Variants in TUSC3 observed in about 807,000 individuals in gnomAD.
TUSC3 encodes tumor suppressor candidate 3.
A neutral mutation model predicts 44.8 loss-of-function variants in TUSC3; 45 were observed. The observed-to-expected ratio is 1.00, with a 90% CI of 0.79 to 1.29. TUSC3 has a LOEUF of 1.29. TUSC3 is among the 50% of genes most tolerant of loss of function. The probability of loss-of-function intolerance (pLI) is 0.00; values close to 1 mark genes in which losing one functional copy is unlikely to be tolerated. For missense variants in TUSC3, 519 were observed against 437.9 expected, an observed-to-expected ratio of 1.19 and a Z score of -1.65; for synonymous variants, 212 against 152.9, an observed-to-expected ratio of 1.39 and a Z score of -2.85.
At chr8:15,462,695 A>T (rs1019990912) in intron 1 of TUSC3, among the ~76,000 whole-genome samples, 2 of 152,106 alleles carry the variant, frequency 1.3e-5, no homozygotes, top group African/African-American at 4.8e-5. Flanking sequence ...TTAGTCTATT[A>T]TACTCCTATG....
Position 15,524,056 on chromosome 8 carries a change from CA to C in TUSC3, n.189+40588del, listed in dbSNP as rs35388650. ...GGCAACAGACAGAGTGACTCCGTCT[CA>C]AAAAAAAAAAAAAATAGAAATCAGA... On this transcript the variant is annotated intron_variant and non_coding_transcript_variant, in intron 2 of 5. Coordinates refer to the TUSC3 transcript ENST00000503191. 7.2e-3 allele frequency among the ~76,000 whole-genome samples: 976 copies of C among 135,666 alleles called. 5 individuals carry two copies. Among genetic ancestry groups the C allele is most frequent in the Middle Eastern group, 0.012 (3 of 250 alleles). 89.0% of individuals were successfully genotyped at this position (135,666 alleles called of 152,430 possible).
chr8:15,690,999 C>T (rs1808877357), intron 6 of TUSC3, among the ~76,000 whole-genome samples: 1 of 150,618 alleles, frequency 6.6e-6, no homozygotes, highest in Non-Finnish European at 1.5e-5. Context: ...TTTTTTGGTT[C>T]CATATGAATT....
intron 1 of TUSC3, among the ~76,000 whole-genome samples, chr8:15,467,797 G>T (rs4345554): frequency 0.01 from 1,574 of 152,084 alleles, 31 homozygotes; most frequent in African/African-American, 0.036. Flanking sequence ...TTATCTCTCT[G>T]CTTTTAAGGA....
intron 7 of TUSC3, among the ~76,000 whole-genome samples, chr8:15,735,807 C>G (rs527384996): frequency 6.4e-4 from 98 of 152,268 alleles, no homozygotes; most frequent in African/African-American, 2.2e-3. Flanking sequence ...TCACGCCATT[C>G]TCCTGCCTCA....
At chr8:15,612,376 G>A (rs1255440734) in intron 1 of TUSC3, among the ~76,000 whole-genome samples, 1 of 152,140 alleles carries the variant, frequency 6.6e-6, no homozygotes, top group Non-Finnish European at 1.5e-5. Context: ...AAAAATATGA[G>A]ATTAGTGAGC....
the TUSC3 span, chr8:15,807,159 G>C: frequency 1.2e-6 from 1 of 836,494 alleles, no homozygotes; most frequent in Non-Finnish European, 2.1e-6. Flanking sequence ...AGCAATCACA[G>C]CCGTATGTGC....
chr8:15,564,252 A>G (rs890158960), intron 1 of TUSC3, among the ~76,000 whole-genome samples: 5 of 152,168 alleles, frequency 3.3e-5, no homozygotes, highest in African/African-American at 1.2e-4. Context: ...ATAGTAGATA[A>G]CTAAGTTTGG....
At chr8:15,723,979 G>C (rs747848244) in intron 6 of TUSC3, among the ~76,000 whole-genome samples, 3 of 152,108 alleles carry the variant, frequency 2.0e-5, no homozygotes, top group Non-Finnish European at 4.4e-5. Context: ...AGATGTTGAA[G>C]CCTTAACCCC....
intron 1 of TUSC3, among the ~76,000 whole-genome samples, chr8:15,456,247 A>T (rs1294329796): frequency 6.6e-6 from 1 of 152,166 alleles, no homozygotes; most frequent in South Asian, 2.1e-4. Flanking sequence ...ATGTGACTTA[A>T]ACCCTTTCTT....
intron 3 of TUSC3, among the ~76,000 whole-genome samples, chr8:15,658,976 A>G (rs1807298307): frequency 6.6e-6 from 1 of 152,096 alleles, no homozygotes; most frequent in Non-Finnish European, 1.5e-5. Context: ...TAAGAGCAGA[A>G]ATGTTGGTTT....
intron 2 of TUSC3, among the ~76,000 whole-genome samples, chr8:15,507,902 A>C (rs886950190): frequency 1.3e-5 from 2 of 152,140 alleles, no homozygotes; most frequent in African/African-American, 4.8e-5. Flanking sequence ...GGCACATTTA[A>C]ATAGAGGAGG....
chr8:15,546,276 G>GGCC (rs1801860625), intron 1 of TUSC3, among the ~76,000 whole-genome samples: 1 of 151,712 alleles, frequency 6.6e-6, no homozygotes, highest in African/African-American at 2.4e-5. Context: ...TTTTCTCATT[G>GGCC]CTGTTTTATG....
chr8:15,820,423 G>A, the TUSC3 span, among the ~76,000 whole-genome samples: 3 of 150,622 alleles, frequency 2.0e-5, no homozygotes, highest in South Asian at 2.1e-4. Context: ...GCGATCAAGC[G>A]ATTCTCCTGC....
At chr8:15,651,971 G>A (rs1806929592) in intron 3 of TUSC3, among the ~76,000 whole-genome samples, 1 of 152,166 alleles carries the variant, frequency 6.6e-6, no homozygotes, top group Non-Finnish European at 1.5e-5. Context: ...TTTCATAGGT[G>A]AGGAAATAAG....
intron 1 of TUSC3, chr8:15,483,289 A>G (rs1800687706): frequency 5.2e-6 from 1 of 192,590 alleles, no homozygotes; most frequent in East Asian, 1.5e-4. Context: ...AAATCCTCTA[A>G]GATGAAGAAT....
chr8:15,447,323 A>T (rs904413355), intron 1 of TUSC3, among the ~76,000 whole-genome samples: 1 of 152,202 alleles, frequency 6.6e-6, no homozygotes, highest in East Asian at 1.9e-4. Flanking sequence ...ATTTATATGC[A>T]TGTTAGTACT....
chr8:15,424,618 C>T (rs113819724), intron 1 of TUSC3, among the ~76,000 whole-genome samples: 4,293 of 152,228 alleles, frequency 0.028, 83 homozygotes, highest in South Asian at 0.062. Context: ...CGGTGGCTTA[C>T]GCCTGTAATC....
At chr8:15,771,803 G>C in the TUSC3 span, among the ~76,000 whole-genome samples, 33,415 of 151,956 alleles carry the variant, frequency 0.22, 3,720 homozygotes, top group East Asian at 0.27. Flanking sequence ...AAAAAAAGAA[G>C]AAAGGCCGGG....
chr8:15,470,911 G>C (rs1161553265), intron 1 of TUSC3, among the ~76,000 whole-genome samples: 1 of 152,068 alleles, frequency 6.6e-6, no homozygotes, highest in African/African-American at 2.4e-5. Context: ...TGAGCTGAGG[G>C]GACAGGCTGC....
Sources: gnomAD v4.1 joint callset for allele counts (sites outside exome capture counted in the v4.1 genomes callset) on GRCh38, gnomAD v4.1.1 for gene constraint, MANE v1.5 for transcripts, NCBI Gene and HGNC (gene_info 2026-07-23, HGNC 2026-07-21) for gene names.